COLGALT2: variants seen among roughly 807,000 people sequenced by gnomAD.
The protein encoded by COLGALT2 is procollagen galactosyltransferase 2.
A neutral mutation model predicts 73.4 loss-of-function variants in COLGALT2; 49 were observed. That is an observed-to-expected ratio of 0.67 (90% CI 0.53 to 0.85). The LOEUF (loss-of-function observed/expected upper bound fraction) is 0.85. Ranked by LOEUF, COLGALT2 falls within the 40% of genes least tolerant of loss-of-function variation. The pLI is 0.00. For synonymous variants in COLGALT2, 295 were observed against 307.6 expected, an observed-to-expected ratio of 0.96 and a Z score of 0.43; for missense variants, 722 against 790.2, an observed-to-expected ratio of 0.91 and a Z score of 1.03.
In COLGALT2 at chr1:183,936,001, G is replaced by T. The variant is rs1184059535; in HGVS notation, c.*2760C>A. On this transcript the variant is annotated 3_prime_UTR_variant, in exon 12 of 12. Transcript: ENST00000361927. The stretch of plus-strand genomic sequence containing the variant: ...GCAGGCCTGAATGAACCGCAAGCGG[G>T]GCCCATGCAGCGTGTCCTCTGCAAA... The T allele has an allele frequency of 1.2e-4, 120 of 985,210 alleles. No homozygotes were observed. Among genetic ancestry groups the T allele is most frequent in the Non-Finnish European group, 1.4e-4 (113 of 829,950 alleles). 61.0% of individuals were successfully genotyped at this position (985,210 alleles called of 1,614,324 possible).
chr1:184,009,831 A>G (rs1672185969), intron 1 of COLGALT2, among the ~76,000 whole-genome samples: 1 of 152,212 alleles, frequency 6.6e-6, no homozygotes, highest in African/African-American at 2.4e-5. Flanking sequence ...TCTTGGTCAT[A>G]ATTTCTATTT....
downstream of COLGALT2, among the ~76,000 whole-genome samples, chr1:183,931,845 G>T (rs1213236017): frequency 7.0e-6 from 1 of 141,868 alleles, no homozygotes; most frequent in Non-Finnish European, 1.5e-5. Context: ...AGCTGTTTCT[G>T]AATTGTTCCT....
rs1485819471 is a variant in COLGALT2 at position 183,954,774 on chromosome 1, C to A, written c.1017G>T (p.Met339Ile). The A allele has an allele frequency of 6.2e-7, 1 of 1,612,600 alleles. No homozygotes were observed. Among genetic ancestry groups the A allele is most frequent in the Non-Finnish European group, 8.5e-7 (1 of 1,178,924 alleles). ...VSVVPKYPDK[M>I]GFDEIFMINL... Reference sequence around the variant, plus strand: ...ACACCTTTCCTACCTCATCAAATCCCATCTTGTCTGGATATTTAGGGACAA... The same window carrying A: ...ACACCTTTCCTACCTCATCAAATCCAATCTTGTCTGGATATTTAGGGACAA... Residue 339 changes from methionine (M) to isoleucine (I), a missense_variant, in exon 7 of 12, where the codon ATG (methionine) becomes ATT (isoleucine). Coordinates refer to ENST00000361927, the MANE Select transcript of COLGALT2 (RefSeq NM_015101.4).
chr1:183,969,498 T>A (rs746404943), intron 4 of COLGALT2, 25 bp from the exon 5 acceptor site: 3 of 1,573,940 alleles, frequency 1.9e-6, no homozygotes, highest in Non-Finnish European at 2.6e-6. Context: ...ATAGGTGGGT[T>A]GTGTTTTCTG....
chr1:183,982,117 G>T (rs1225923033), intron 1 of COLGALT2, among the ~76,000 whole-genome samples: 1 of 152,120 alleles, frequency 6.6e-6, no homozygotes, highest in Non-Finnish European at 1.5e-5. Flanking sequence ...TCTCTTCTCG[G>T]CAAGGTCTAG....
chr1:183,957,545 G>A (rs1670585638), intron 6 of COLGALT2, among the ~76,000 whole-genome samples: 1 of 152,130 alleles, frequency 6.6e-6, no homozygotes, highest in Non-Finnish European at 1.5e-5. Context: ...TTGCAGCCTA[G>A]CTTGGGTCCT....
intron 3 of COLGALT2, among the ~76,000 whole-genome samples, chr1:183,974,244 G>A (rs1558321211): frequency 1.3e-5 from 2 of 152,274 alleles, no homozygotes; most frequent in South Asian, 2.1e-4. Flanking sequence ...ATGCTAACCA[G>A]TGAAGCTATT....
At chr1:184,026,131 G>A (rs185201609) in intron 1 of COLGALT2, among the ~76,000 whole-genome samples, 63 of 152,292 alleles carry the variant, frequency 4.1e-4, no homozygotes, top group Non-Finnish European at 6.9e-4. Context: ...ATGCTTCCAA[G>A]ACCTTTCACA....
intron 1 of COLGALT2, among the ~76,000 whole-genome samples, chr1:184,009,355 A>G (rs539746801): frequency 1.3e-5 from 2 of 152,342 alleles, no homozygotes; most frequent in South Asian, 2.1e-4. Context: ...ATTTCCTTCA[A>G]TCCTTTTTGG....
intron 6 of COLGALT2, among the ~76,000 whole-genome samples, chr1:183,960,200 G>A (rs556972404): frequency 6.9e-6 from 1 of 144,456 alleles, no homozygotes; most frequent in South Asian, 2.2e-4. Flanking sequence ...AAGAATTCAA[G>A]GACTACAACA....
At chr1:183,996,656 G>C (rs1029701586) in intron 1 of COLGALT2, among the ~76,000 whole-genome samples, 1 of 152,180 alleles carries the variant, frequency 6.6e-6, no homozygotes, top group South Asian at 2.1e-4. Context: ...CTGCTTATCT[G>C]CCTTAAAACC....
intron 1 of COLGALT2, among the ~76,000 whole-genome samples, chr1:184,019,303 C>A (rs1649104048): frequency 6.6e-6 from 1 of 152,158 alleles, no homozygotes; most frequent in East Asian, 1.9e-4. Context: ...CAGCTATGAG[C>A]TCACTGGTTT....
chr1:184,004,793 G>A (rs1672025776), intron 1 of COLGALT2, among the ~76,000 whole-genome samples: 1 of 152,116 alleles, frequency 6.6e-6, no homozygotes, highest in African/African-American at 2.4e-5. Context: ...ACAAGAGGAG[G>A]GGGAGATGGG....
At chr1:184,002,502 C>T (rs143144136) in intron 1 of COLGALT2, among the ~76,000 whole-genome samples, 30 of 152,214 alleles carry the variant, frequency 2.0e-4, no homozygotes, top group Middle Eastern at 3.4e-3. Context: ...TGCTTTGTAG[C>T]GACAGGAAGA....
chr1:183,959,099 A>G (rs1026656932), intron 6 of COLGALT2, among the ~76,000 whole-genome samples: 1 of 152,086 alleles, frequency 6.6e-6, no homozygotes, highest in East Asian at 1.9e-4. Context: ...CCAATTCTTT[A>G]TCCTTATTTT....
Position 184,030,882 on chromosome 1 carries a change from C to G in COLGALT2, c.263+6213G>C, listed in dbSNP as rs370373799. 4.8e-4 allele frequency among the ~76,000 whole-genome samples: 73 copies of G among 152,324 alleles called. No homozygotes were observed. The South Asian group carries it at 6.6e-3, about 14-fold the overall frequency. On this transcript the variant is annotated intron_variant, in intron 1 of 11. Coordinates refer to ENST00000361927, the MANE Select transcript of COLGALT2 (RefSeq NM_015101.4). ...AAATCTAGAAATCAGTTATCTCATT[C>G]CATAATCACCATGGGAATCTCTTAA...
chr1:184,013,515 T>C (rs531564372), intron 1 of COLGALT2, among the ~76,000 whole-genome samples: 20 of 151,864 alleles, frequency 1.3e-4, no homozygotes, highest in African/African-American at 4.8e-4. Flanking sequence ...CCAGAGAGAG[T>C]TGTGGCCCTG....
intron 1 of COLGALT2, among the ~76,000 whole-genome samples, chr1:183,998,926 C>T (rs1195521379): frequency 6.6e-6 from 1 of 152,024 alleles, no homozygotes; most frequent in Non-Finnish European, 1.5e-5. Flanking sequence ...TATTTTTCTA[C>T]CAATTTGTAT....
chr1:183,985,466 T>G (rs899271515), intron 1 of COLGALT2, among the ~76,000 whole-genome samples: 1 of 152,100 alleles, frequency 6.6e-6, no homozygotes, highest in Non-Finnish European at 1.5e-5. Context: ...GAGATGGGGT[T>G]TCACCATGTT....
Sources: allele counts gnomAD v4.1 joint callset (sites outside exome capture counted in the v4.1 genomes callset), GRCh38; gene constraint gnomAD v4.1.1; transcripts MANE v1.5; gene names NCBI Gene and HGNC (gene_info 2026-07-23, HGNC 2026-07-21).